Variants in ARPC1B observed in about 807,000 individuals in gnomAD.
ARPC1B encodes the protein actin-related protein 2/3 complex subunit 1B.
A neutral mutation model predicts 46.0 loss-of-function variants in ARPC1B; 29 were observed. The ratio of observed to expected loss-of-function variants is 0.63; its 90% confidence interval spans 0.47 to 0.86. ARPC1B has a LOEUF of 0.86. Ranked by LOEUF, ARPC1B falls within the 40% of genes least tolerant of loss-of-function variation. The pLI is 0.00. For missense variants in ARPC1B, 469 were observed against 529.4 expected (o/e 0.89, Z 1.12); for synonymous variants, 201 against 213.9 (o/e 0.94, Z 0.53).
intron 7 of ARPC1B, 22 bp from the exon 8 acceptor site, chr7:99,392,649 A>G (rs1021561059): frequency 5.5e-6 from 8 of 1,462,588 alleles, no homozygotes; most frequent in African/African-American, 4.4e-5. Flanking sequence ...CGGCGCTCCA[A>G]TGGCCCCCGC....
rs775420683 is a variant in ARPC1B, at chr7:99,386,483, G to C, written c.65-202G>C. On this transcript the variant is annotated intron_variant, in intron 2 of 9. Transcript: ENST00000646101. ...GGGAGAGGTCCCAGGGTTCATTGCT[G>C]CGAGTAAAGGACAGCCAGTTCCAGG... 3.6e-5 allele frequency: 24 copies of C among 664,476 alleles called. No individual in the cohort carries two copies. In the African/African-American group the frequency reaches 3.7e-4, roughly 10 times the overall value. 41.2% of individuals were successfully genotyped at this position (664,476 alleles called of 1,614,324 possible).
intron 5 of ARPC1B, among the ~76,000 whole-genome samples, chr7:99,390,341 G>A (rs1794531165): frequency 6.6e-6 from 1 of 151,534 alleles, no homozygotes; most frequent in Non-Finnish European, 1.5e-5. Flanking sequence ...AGCCTCCCAA[G>A]CAAGACTACC....
rs562051263 is a variant in ARPC1B at position 99,376,233 on chromosome 7, G to A, written c.-14+1452G>A. On this transcript the variant is annotated intron_variant, in intron 1 of 9. Transcript: ENST00000646101. ...CTAAATAAATAAATAAAATCTTAGGGACCTAGGTAGGAGTGCCAGCTTCTC... is the reference window on the plus strand; with the variant it reads ...CTAAATAAATAAATAAAATCTTAGGAACCTAGGTAGGAGTGCCAGCTTCTC... Among the ~76,000 whole-genome samples, 5 of 152,244 alleles carry A rather than the reference G, an allele frequency of 3.3e-5. No homozygotes were observed. The South Asian group carries it at 1.0e-3, about 32-fold the overall frequency.
intron 1 of ARPC1B, among the ~76,000 whole-genome samples, chr7:99,379,821 T>C (rs1217993375): frequency 4.0e-5 from 6 of 150,606 alleles, no homozygotes; most frequent in African/African-American, 7.3e-5. Flanking sequence ...TTTTTTTTTT[T>C]CCAAGTGGAG....
rs2150892176 is a variant in ARPC1B, at chr7:99,385,911, A to AC, written c.64+137dup. 4.4e-6 allele frequency: 4 copies of AC among 905,318 alleles called. No individual in the cohort carries two copies. In the South Asian group the frequency reaches 4.9e-5, roughly 11 times the overall value. 56.1% of individuals were successfully genotyped at this position (905,318 alleles called of 1,614,324 possible). On this transcript the variant is annotated intron_variant, in intron 2 of 9. Transcript: ENST00000646101. ...CTCCATGTGGCTGTCCCCTGGCCTC[A>AC]CCCCTGGGTCTTCCAGCTGACCAGG...
chr7:99,375,238 G>A (rs1793998728), intron 1 of ARPC1B, among the ~76,000 whole-genome samples: 1 of 152,118 alleles, frequency 6.6e-6, no homozygotes, highest in African/African-American at 2.4e-5. Flanking sequence ...CGGGCCGGCG[G>A]GGCCCCACAC....
intron 1 of ARPC1B, among the ~76,000 whole-genome samples, chr7:99,375,519 G>A (rs1475878114): frequency 6.6e-6 from 1 of 152,154 alleles, no homozygotes; most frequent in African/African-American, 2.4e-5. Context: ...AGGCCGCCTA[G>A]GGCGGGGCGG....
chr7:99,385,317 G>T (rs1179683717), intron 1 of ARPC1B, among the ~76,000 whole-genome samples: 1 of 122,194 alleles, frequency 8.2e-6, no homozygotes, highest in African/African-American at 4.0e-5. Flanking sequence ...GGGGGGGGGG[G>T]GTCGTCCATC....
chr7:99,380,208 G>T (rs1794168776), intron 1 of ARPC1B, among the ~76,000 whole-genome samples: 1 of 152,182 alleles, frequency 6.6e-6, no homozygotes, highest in Non-Finnish European at 1.5e-5. Flanking sequence ...GATGAAGTTG[G>T]AGTGTCCCCG....
At chr7:99,378,647 C>T (rs945531483) in intron 1 of ARPC1B, among the ~76,000 whole-genome samples, 7 of 151,494 alleles carry the variant, frequency 4.6e-5, no homozygotes, top group African/African-American at 1.7e-4. Flanking sequence ...TGCACCACTA[C>T]ACTCCAGCCT....
chr7:99,385,561 C>G (rs761222205), intron 1 of ARPC1B, 141 bp from the exon 2 acceptor site: 1 of 693,608 alleles, frequency 1.4e-6, no homozygotes, highest in Non-Finnish European at 2.4e-6. Flanking sequence ...CCCTGCTGCT[C>G]CTCTCTGCAA....
At chr7:99,375,023 G>A (rs1245855943) in intron 1 of ARPC1B, among the ~76,000 whole-genome samples, 1 of 149,954 alleles carries the variant, frequency 6.7e-6, no homozygotes, top group East Asian at 2.0e-4. Flanking sequence ...GGGGCTCACG[G>A]AAAGGAGAGG....
At chr7:99,393,390 G>A (rs1794643710) in intron 8 of ARPC1B, among the ~76,000 whole-genome samples, 1 of 152,130 alleles carries the variant, frequency 6.6e-6, no homozygotes, top group Admixed American at 6.5e-5. Context: ...GACTGTCGTA[G>A]GGCTGGCCCC....
chr7:99,391,787 C>T (rs1358735606), intron 7 of ARPC1B, among the ~76,000 whole-genome samples: 2 of 150,716 alleles, frequency 1.3e-5, no homozygotes, highest in African/African-American at 4.9e-5. Context: ...CCCGGTGGCT[C>T]ACACCTGTAA....
chr7:99,394,088 T>C lies in ARPC1B; in HGVS notation c.1049T>C (p.Met350Thr). 2 of 1,613,728 alleles carry C rather than the reference T, an allele frequency of 1.2e-6. No homozygotes were observed. The highest frequency in any genetic ancestry group is 1.7e-6 in the Non-Finnish European group (2 of 1,180,028). ...AKCSQFCTTGMDGGMSIWDVK... is the reference protein window; with the variant it reads ...AKCSQFCTTGTDGGMSIWDVK... ...TGCTCGCAGTTCTGCACCACTGGCA[T>C]GGATGGCGGCATGAGTATCTGGGAT... Residue 350 changes from methionine to threonine, a missense_variant, in exon 9 of 10, where the codon ATG (methionine) becomes ACG (threonine). By Grantham distance (81) the Met-to-Thr change is moderately conservative. Transcript: ENST00000646101.
chr7:99,386,581 G>T (rs1794397370), intron 2 of ARPC1B, 104 bp from the exon 3 acceptor site: 5 of 931,870 alleles, frequency 5.4e-6, no homozygotes, highest in Non-Finnish European at 8.9e-6. Flanking sequence ...GAGAGACTGA[G>T]TCATGAAAGG....
At chr7:99,393,501 G>A (rs1171778148) in intron 8 of ARPC1B, among the ~76,000 whole-genome samples, 7 of 151,970 alleles carry the variant, frequency 4.6e-5, no homozygotes, top group African/African-American at 1.7e-4. Flanking sequence ...TGGGGGCGGA[G>A]CTGAGGGTCT....
chr7:99,377,629 C>A (rs1207274241), intron 1 of ARPC1B, among the ~76,000 whole-genome samples: 1 of 148,216 alleles, frequency 6.7e-6, no homozygotes, highest in Admixed American at 6.8e-5. Context: ...TCTTCTTCTT[C>A]TTCTTTTTTT....
Position 99,391,096 on chromosome 7 carries a change from T to C in ARPC1B, c.704T>C (p.Met235Thr). 1 of 1,613,212 alleles carries C rather than the reference T, an allele frequency of 6.2e-7. No individual in the cohort carries two copies. Among genetic ancestry groups the C allele is most frequent in the South Asian group, 1.1e-5 (1 of 90,958 alleles). The change falls in exon 6 of 10, where the codon ATG (methionine) becomes ACG (threonine). Residue 235 changes from methionine to threonine, a missense_variant. Physicochemically the swap from Met to Thr is moderately conservative, Grantham distance 81. Transcript: ENST00000646101. Reference sequence around the variant, plus strand: ...TGCCTGGCTGATGCCGACAAGAAGATGGCGTGAGTCGAGGCCATCCCCAGG... The same window carrying C: ...TGCCTGGCTGATGCCGACAAGAAGACGGCGTGAGTCGAGGCCATCCCCAGG... ...TVCLADADKK[M>T]AVATLASETL...
Sources: gnomAD v4.1 joint callset for allele counts (sites outside exome capture counted in the v4.1 genomes callset) on GRCh38, gnomAD v4.1.1 for gene constraint, MANE v1.5 for transcripts, NCBI Gene and HGNC (gene_info 2026-07-23, HGNC 2026-07-21) for gene names.